Variants in ERBB4 observed in about 807,000 individuals in gnomAD.
ERBB4 encodes the protein receptor tyrosine-protein kinase erbB-4.
Under a neutral mutation model 158.0 loss-of-function variants are expected in ERBB4, and 42 were observed. That is an observed-to-expected ratio of 0.27 (90% confidence interval 0.21 to 0.34). ERBB4 has a LOEUF of 0.34. ERBB4 is among the 10% of genes least tolerant of loss of function. The pLI is 1.00. For missense variants in ERBB4, 1,333 were observed against 1,624.1 expected (o/e 0.82, Z 3.08); for synonymous variants, 583 against 558.7 (o/e 1.04, Z -0.61).
At chr2:211,914,283 T>C (rs2079626137) in intron 3 of ERBB4, among the ~76,000 whole-genome samples, 1 of 133,698 alleles carries the variant, frequency 7.5e-6, no homozygotes, top group Non-Finnish European at 1.6e-5. Flanking sequence ...AAACATCAGC[T>C]TCTCTTTGCT....
At chr2:212,203,857 T>A (rs908335323) in intron 1 of ERBB4, among the ~76,000 whole-genome samples, 32 of 151,882 alleles carry the variant, frequency 2.1e-4, no homozygotes, top group Admixed American at 1.3e-4. Context: ...ACACTAGGAA[T>A]AAAAAAAATG....
intron 19 of ERBB4, among the ~76,000 whole-genome samples, chr2:211,605,569 G>T (rs545144484): frequency 6.6e-6 from 1 of 152,004 alleles, no homozygotes; most frequent in African/African-American, 2.4e-5. Flanking sequence ...ACCACATCTG[G>T]TTCAAAAGTG....
At chr2:211,564,127 A>G (rs996377382) in intron 19 of ERBB4, among the ~76,000 whole-genome samples, 5 of 152,224 alleles carry the variant, frequency 3.3e-5, no homozygotes, top group Admixed American at 6.5e-5. Flanking sequence ...GAGGCAATAA[A>G]GATAGAATAG....
chr2:211,627,806 C>T (rs990482222), intron 17 of ERBB4, among the ~76,000 whole-genome samples: 2 of 152,158 alleles, frequency 1.3e-5, no homozygotes, highest in African/African-American at 4.8e-5. Context: ...AATTCATAGT[C>T]TTCTGTAATT....
At chr2:211,477,342 A>C (rs1482869798) in intron 20 of ERBB4, among the ~76,000 whole-genome samples, 1 of 151,928 alleles carries the variant, frequency 6.6e-6, no homozygotes, top group African/African-American at 2.4e-5. Flanking sequence ...ACACATACTA[A>C]CATACACACA....
rs556209951 is a variant in ERBB4 at position 212,287,956 on chromosome 2, G to A, written c.83-163053C>T. 1.2e-3 allele frequency among the ~76,000 whole-genome samples: 188 copies of A among 152,218 alleles called. 2 individuals are homozygous for A. The highest frequency in any genetic ancestry group is 9.1e-3 in the South Asian group (44 of 4,818). Reference sequence around the variant, plus strand: ...ATCAGTAAAAACACCTAATGGGCACGAGGCTTAATACCTGGGCTATGAAAT... The same window carrying A: ...ATCAGTAAAAACACCTAATGGGCACAAGGCTTAATACCTGGGCTATGAAAT... On this transcript the variant is annotated intron_variant, in intron 1 of 27. Coordinates refer to ENST00000342788, the MANE Select transcript of ERBB4 (RefSeq NM_005235.3).
At chr2:211,911,135 G>A (rs533274570) in intron 3 of ERBB4, among the ~76,000 whole-genome samples, 1 of 152,238 alleles carries the variant, frequency 6.6e-6, no homozygotes, top group Non-Finnish European at 1.5e-5. Flanking sequence ...TTTGCTCTCT[G>A]TATTTCACAA....
At chr2:211,967,346 A>T (rs955844225) in intron 2 of ERBB4, among the ~76,000 whole-genome samples, 2 of 152,140 alleles carry the variant, frequency 1.3e-5, no homozygotes, top group African/African-American at 4.8e-5. Context: ...TTTACTTAAG[A>T]TAGAAAATGT....
intron 1 of ERBB4, among the ~76,000 whole-genome samples, chr2:212,524,659 G>A (rs547849512): frequency 1.3e-5 from 2 of 151,650 alleles, no homozygotes; most frequent in South Asian, 4.2e-4. Flanking sequence ...TGTGGGCAGT[G>A]GCATCCTGTC....
At chr2:212,404,472 T>C (rs75677386) in intron 1 of ERBB4, among the ~76,000 whole-genome samples, 2 of 151,878 alleles carry the variant, frequency 1.3e-5, no homozygotes, top group Non-Finnish European at 2.9e-5. Context: ...CAACACCTAG[T>C]GCCAAGAAAA....
At chr2:211,502,113 T>C (rs59546274) in intron 20 of ERBB4, among the ~76,000 whole-genome samples, 15,158 of 152,094 alleles carry the variant, frequency 0.1, 918 homozygotes, top group African/African-American at 0.17. Flanking sequence ...AGCAAGCAGA[T>C]TGAATAAACT....
chr2:212,191,369 T>C (rs1207366148), intron 1 of ERBB4, among the ~76,000 whole-genome samples: 1 of 152,002 alleles, frequency 6.6e-6, no homozygotes, highest in Non-Finnish European at 1.5e-5. Context: ...AGTTTTAATG[T>C]TACTTTTAAA....
chr2:211,939,962 A>T (rs2080442020), intron 3 of ERBB4, among the ~76,000 whole-genome samples: 1 of 137,614 alleles, frequency 7.3e-6, no homozygotes, highest in South Asian at 2.3e-4. Context: ...AAAAGGAAAA[A>T]AAAAATATAT....
At chr2:211,583,709 A>T (rs2068176023) in intron 19 of ERBB4, among the ~76,000 whole-genome samples, 1 of 151,534 alleles carries the variant, frequency 6.6e-6, no homozygotes, top group Non-Finnish European at 1.5e-5. Flanking sequence ...CTAGTAAAAT[A>T]TTTTTTGTAA....
intron 20 of ERBB4, among the ~76,000 whole-genome samples, chr2:211,496,724 C>G (rs1035186517): frequency 2.6e-5 from 4 of 152,056 alleles, no homozygotes; most frequent in African/African-American, 7.2e-5. Context: ...AAGATGGTGG[C>G]CATGATTATC....
chr2:211,762,603 C>T (rs1243157307), intron 4 of ERBB4, among the ~76,000 whole-genome samples: 1 of 152,200 alleles, frequency 6.6e-6, no homozygotes, highest in Non-Finnish European at 1.5e-5. Flanking sequence ...CCATGACCTT[C>T]ATCTGTCAGA....
At chr2:212,071,481 G>A (rs963217867) in intron 2 of ERBB4, among the ~76,000 whole-genome samples, 43 of 151,846 alleles carry the variant, frequency 2.8e-4, no homozygotes, top group African/African-American at 1.0e-3. Context: ...GGTTTTTCAA[G>A]AATATTTGAA....
chr2:211,818,825 G>A (rs953374360), intron 3 of ERBB4, among the ~76,000 whole-genome samples: 2 of 152,058 alleles, frequency 1.3e-5, no homozygotes, highest in African/African-American at 2.4e-5. Context: ...CTTATAGGTG[G>A]ATGGGGATGT....
chr2:212,165,220 C>A (rs988244200), intron 1 of ERBB4, among the ~76,000 whole-genome samples: 1 of 151,734 alleles, frequency 6.6e-6, no homozygotes, highest in African/African-American at 2.4e-5. Flanking sequence ...ATGCAAGTTG[C>A]GAGTGGGATT....
Sources: allele counts gnomAD v4.1 joint callset (sites outside exome capture counted in the v4.1 genomes callset), GRCh38; gene constraint gnomAD v4.1.1; transcripts MANE v1.5; gene names NCBI Gene and HGNC (gene_info 2026-07-23, HGNC 2026-07-21).